SLX4IP: variants seen among roughly 807,000 people sequenced by gnomAD.
SLX4IP encodes the protein SLX4 interacting protein, also known as protein SLX4IP.
In SLX4IP, 34 loss-of-function variants were observed where a neutral mutation model predicts 32.9. The observed-to-expected ratio is 1.03, with a 90% CI of 0.79 to 1.38. SLX4IP has a LOEUF of 1.38. Among genes scored for constraint, SLX4IP ranks in the 40% most tolerant of loss-of-function variants. The pLI is 0.00. For missense variants in SLX4IP, 444 were observed against 479.0 expected, an observed-to-expected ratio of 0.93 and a Z score of 0.68; for synonymous variants, 172 against 171.7, an observed-to-expected ratio of 1.00 and a Z score of -0.01.
intron 2 of SLX4IP, among the ~76,000 whole-genome samples, chr20:10,460,550 A>G (rs4813934): frequency 0.62 from 94,484 of 152,032 alleles, 29,627 homozygotes; most frequent in Non-Finnish European, 0.66. Flanking sequence ...CCTGTTCTGC[A>G]TGGCTTGGGC....
At chr20:10,479,355 T>TTTTC (rs200601736) in intron 2 of SLX4IP, among the ~76,000 whole-genome samples, 16,117 of 98,160 alleles carry the variant, frequency 0.16, 1,486 homozygotes, top group Non-Finnish European at 0.24. Flanking sequence ...CATATTTCTT[T>TTTTC]TTTTTTTTTT....
rs1038553208 is a variant in SLX4IP, at chr20:10,593,879, A to G, written c.239-4796A>G. Reference sequence around the variant, plus strand: ...TAAGCAAATACATCTCTTAAAATCCATGATCTTTGGTTGGATCCGATTCAA... The same window carrying G: ...TAAGCAAATACATCTCTTAAAATCCGTGATCTTTGGTTGGATCCGATTCAA... On this transcript the variant is annotated intron_variant, in intron 4 of 7. Transcript: ENST00000334534. Among the ~76,000 whole-genome samples the G allele has an allele frequency of 3.3e-5, 5 of 152,252 alleles. No homozygotes were observed. The East Asian group carries it at 7.7e-4, about 23-fold the overall frequency.
At chr20:10,574,320 A>G (rs2066499071) in intron 4 of SLX4IP, among the ~76,000 whole-genome samples, 1 of 152,186 alleles carries the variant, frequency 6.6e-6, no homozygotes, top group Non-Finnish European at 1.5e-5. Flanking sequence ...CCATTACAAG[A>G]CCTTTCCCAT....
chr20:10,449,937 T>G (rs1236631053), intron 1 of SLX4IP, among the ~76,000 whole-genome samples: 1 of 150,908 alleles, frequency 6.6e-6, no homozygotes, highest in African/African-American at 2.4e-5. Context: ...GCTGTTCTTG[T>G]TTTATTGATA....
At chr20:10,443,956 C>G (rs1364576500) in intron 1 of SLX4IP, among the ~76,000 whole-genome samples, 1 of 152,196 alleles carries the variant, frequency 6.6e-6, no homozygotes, top group Non-Finnish European at 1.5e-5. Flanking sequence ...AGCCATGCTT[C>G]CTGTAGAGCC....
intron 6 of SLX4IP, 81 bp from the exon 7 acceptor site, chr20:10,621,233 T>C: frequency 8.1e-7 from 1 of 1,228,372 alleles, no homozygotes; most frequent in South Asian, 1.2e-5. Context: ...ATGTGTTCAT[T>C]GGGGCATTCA....
intron 2 of SLX4IP, among the ~76,000 whole-genome samples, chr20:10,546,395 G>A (rs958703026): frequency 2.0e-5 from 3 of 152,170 alleles, no homozygotes; most frequent in South Asian, 4.1e-4. Flanking sequence ...GAGTAAAACC[G>A]TGCAGAAGAA....
At chr20:10,579,187 A>G (rs567500470) in intron 4 of SLX4IP, among the ~76,000 whole-genome samples, 3 of 152,278 alleles carry the variant, frequency 2.0e-5, no homozygotes, top group African/African-American at 7.2e-5. Flanking sequence ...GGAGTTTTAT[A>G]GTTTTAGCTC....
At chr20:10,572,978 A>G (rs1320904787) in intron 4 of SLX4IP, among the ~76,000 whole-genome samples, 1 of 152,222 alleles carries the variant, frequency 6.6e-6, no homozygotes, top group Admixed American at 6.5e-5. Flanking sequence ...AAAGACAAGA[A>G]TTGCCAAAAC....
chr20:10,576,019 A>G (rs1238489739), intron 4 of SLX4IP, among the ~76,000 whole-genome samples: 1 of 152,170 alleles, frequency 6.6e-6, no homozygotes, highest in Non-Finnish European at 1.5e-5. Flanking sequence ...TATCTTGGGA[A>G]TTTGGGGGAT....
intron 2 of SLX4IP, among the ~76,000 whole-genome samples, chr20:10,481,912 T>C (rs994659801): frequency 6.6e-6 from 1 of 152,180 alleles, no homozygotes; most frequent in Non-Finnish European, 1.5e-5. Flanking sequence ...TCTCAACAAG[T>C]GGTCCTCTCC....
intron 1 of SLX4IP, among the ~76,000 whole-genome samples, chr20:10,436,258 C>T (rs760241724): frequency 1.3e-5 from 2 of 148,962 alleles, no homozygotes; most frequent in African/African-American, 2.6e-5. Context: ...CTTCATGACT[C>T]TCACCCCAGA....
rs11696465 is a variant in SLX4IP at position 10,624,612 on chromosome 20, C to A, written c.*1233C>A. The A allele has an allele frequency of 7.2e-5, 11 of 151,762 alleles. No homozygotes were observed. The highest frequency in any genetic ancestry group is 2.7e-4 in the African/African-American group (11 of 41,366). The allele number at this position is 151,762 out of a possible 1,614,324, so 9.4% of individuals were successfully genotyped here. On this transcript the variant is annotated 3_prime_UTR_variant, in exon 8 of 8. Coordinates refer to ENST00000334534, the MANE Select transcript of SLX4IP (RefSeq NM_001009608.3). Reference sequence around the variant, plus strand: ...GTGGTCCTTTGAAATGGCACCTCCCCTAAGTAATAAGGAAAACCAAGTATA... The same window carrying A: ...GTGGTCCTTTGAAATGGCACCTCCCATAAGTAATAAGGAAAACCAAGTATA...
chr20:10,481,488 GTTTAT>G (rs1671437431), intron 2 of SLX4IP, among the ~76,000 whole-genome samples: 1 of 151,778 alleles, frequency 6.6e-6, no homozygotes, highest in African/African-American at 2.4e-5. Context: ...CAATTTCCTT[GTTTAT>G]TTTATTATTT....
chr20:10,573,205 T>C (rs2066486271), intron 4 of SLX4IP, among the ~76,000 whole-genome samples: 1 of 152,230 alleles, frequency 6.6e-6, no homozygotes, highest in African/African-American at 2.4e-5. Context: ...CAGGGCCTTT[T>C]CCTATTTAAA....
intron 2 of SLX4IP, among the ~76,000 whole-genome samples, chr20:10,518,482 C>A (rs1475060452): frequency 1.6e-5 from 1 of 61,536 alleles, no homozygotes; most frequent in Non-Finnish European, 4.1e-5. Context: ...CTTTTCCTTT[C>A]CTTTCCTTTT....
At chr20:10,547,497 T>G (rs2066174037) in intron 2 of SLX4IP, among the ~76,000 whole-genome samples, 1 of 152,182 alleles carries the variant, frequency 6.6e-6, no homozygotes. Context: ...AAACTCAAGC[T>G]TAAAGAACTA....
chr20:10,543,517 T>C (rs1224609566), intron 2 of SLX4IP, among the ~76,000 whole-genome samples: 2 of 152,156 alleles, frequency 1.3e-5, no homozygotes, highest in African/African-American at 4.8e-5. Context: ...AGGAGAGGTC[T>C]AAGGACTGAG....
chr20:10,564,583 A>T (rs1171512196), intron 4 of SLX4IP, among the ~76,000 whole-genome samples: 1 of 152,190 alleles, frequency 6.6e-6, no homozygotes, highest in Non-Finnish European at 1.5e-5. Flanking sequence ...GCTCATTGCT[A>T]TAATAATATT....
Sources: gnomAD v4.1 joint callset for allele counts (sites outside exome capture counted in the v4.1 genomes callset) on GRCh38, gnomAD v4.1.1 for gene constraint, MANE v1.5 for transcripts, NCBI Gene and HGNC (gene_info 2026-07-23, HGNC 2026-07-21) for gene names.